The following MTHFD1L variants were observed in gnomAD, a reference collection of about 807,000 sequenced individuals.
MTHFD1L encodes monofunctional C1-tetrahydrofolate synthase, mitochondrial.
In MTHFD1L, 81 loss-of-function variants were observed where a neutral mutation model predicts 119.5. That is an observed-to-expected ratio of 0.68 (90% confidence interval 0.57 to 0.82). MTHFD1L has a LOEUF of 0.82. Ranked by LOEUF, MTHFD1L falls within the 40% of genes least tolerant of loss-of-function variation. The pLI is 0.00. For missense variants in MTHFD1L, 1,125 were observed against 1,253.4 expected (o/e 0.90, Z 1.55); for synonymous variants, 430 against 475.2 (o/e 0.90, Z 1.24).
intron 1 of MTHFD1L, among the ~76,000 whole-genome samples, chr6:150,873,176 G>A (rs1352311871): frequency 5.9e-5 from 9 of 152,040 alleles, no homozygotes; most frequent in Non-Finnish European, 7.4e-5. Context: ...TTAGTGGGAC[G>A]TGGTGGCATG....
intron 1 of MTHFD1L, chr6:150,866,305 T>C: frequency 6.8e-7 from 1 of 1,474,278 alleles, no homozygotes; most frequent in South Asian, 1.3e-5. Context: ...AATGGGCGCC[T>C]AGCGGCATGG....
chr6:150,889,105 A>G (rs1782791281), intron 7 of MTHFD1L, among the ~76,000 whole-genome samples: 1 of 151,980 alleles, frequency 6.6e-6, no homozygotes, highest in South Asian at 2.1e-4. Context: ...TGAACCCGGG[A>G]GGCAGGGGTT....
At chr6:150,938,254 G>A (rs1792463022) in intron 12 of MTHFD1L, among the ~76,000 whole-genome samples, 1 of 152,188 alleles carries the variant, frequency 6.6e-6, no homozygotes, top group African/African-American at 2.4e-5. Context: ...CTGACCTCAA[G>A]TGATCCGCCT....
chr6:150,891,871 C>T (rs1783343976), intron 7 of MTHFD1L, among the ~76,000 whole-genome samples: 1 of 152,144 alleles, frequency 6.6e-6, no homozygotes, highest in Non-Finnish European at 1.5e-5. Context: ...TCAGTAACTA[C>T]AGAATGTGAT....
At chr6:150,939,911 G>A (rs1049519286) in intron 13 of MTHFD1L, among the ~76,000 whole-genome samples, 2 of 151,798 alleles carry the variant, frequency 1.3e-5, no homozygotes, top group African/African-American at 2.4e-5. Context: ...TCTGGAACTC[G>A]TGAGCTCAGA....
intron 26 of MTHFD1L, among the ~76,000 whole-genome samples, chr6:151,066,075 A>G (rs112011558): frequency 6.6e-6 from 1 of 152,210 alleles, no homozygotes; most frequent in Admixed American, 6.5e-5. Context: ...TTCTTCATCA[A>G]AAGTGATCTC....
At chr6:151,088,179 CAGG>C (rs917450632) in intron 26 of MTHFD1L, 3 of 152,146 alleles carry the variant, frequency 2.0e-5, no homozygotes, top group Non-Finnish European at 4.4e-5. Context: ...GCTTGCTCAA[CAGG>C]AGAAGTTTTA....
At chr6:150,882,256 C>T (rs190908214) in intron 4 of MTHFD1L, among the ~76,000 whole-genome samples, 7 of 152,280 alleles carry the variant, frequency 4.6e-5, no homozygotes, top group Non-Finnish European at 7.3e-5. Flanking sequence ...CCAGATAACC[C>T]GAGGGCCTCT....
At chr6:150,948,959 G>A (rs892941142) in intron 15 of MTHFD1L, 72 bp from the exon 16 acceptor site, 4 of 1,223,666 alleles carry the variant, frequency 3.3e-6, no homozygotes, top group African/African-American at 3.0e-5. Context: ...TAAAATTAGA[G>A]GGATAATTTT....
chr6:150,884,961 A>T (rs149932794), intron 5 of MTHFD1L, among the ~76,000 whole-genome samples: 56 of 152,192 alleles, frequency 3.7e-4, no homozygotes, highest in African/African-American at 1.2e-3. Context: ...GGACTGCAGG[A>T]CCATGCTTCT....
intron 2 of MTHFD1L, 121 bp downstream of exon 2, chr6:150,876,295 T>C: frequency 1.3e-6 from 1 of 788,746 alleles, no homozygotes. Context: ...TTGGCAATGC[T>C]GTTTTCTTTG....
chr6:150,979,338 C>T lies in MTHFD1L; in HGVS notation c.2125+7280C>T, dbSNP rs114656580. ...TATTGTACCAATATATCGTAATGTGCGCCAACAGTGGTGGTCCTTTTTGGT... is the reference window on the plus strand; with the variant it reads ...TATTGTACCAATATATCGTAATGTGTGCCAACAGTGGTGGTCCTTTTTGGT... On this transcript the variant is annotated intron_variant, in intron 20 of 27. Transcript: ENST00000367321. 4.1e-3 allele frequency among the ~76,000 whole-genome samples: 625 copies of T among 152,236 alleles called. 4 individuals carry two copies. Among genetic ancestry groups the T allele is most frequent in the African/African-American group, 0.014 (588 of 41,532 alleles).
intron 13 of MTHFD1L, among the ~76,000 whole-genome samples, chr6:150,940,107 C>G (rs1328902040): frequency 1.3e-5 from 2 of 152,138 alleles, no homozygotes; most frequent in Non-Finnish European, 2.9e-5. Flanking sequence ...TTCTCTACCC[C>G]ACAGACTCCC....
At chr6:150,976,652 G>C (rs187035883) in intron 20 of MTHFD1L, among the ~76,000 whole-genome samples, 2 of 152,122 alleles carry the variant, frequency 1.3e-5, no homozygotes, top group African/African-American at 4.8e-5. Context: ...GAAAAATGTC[G>C]ATAATTTGGC....
intron 13 of MTHFD1L, 51 bp from the exon 14 acceptor site, chr6:150,944,435 G>C (rs1002700499): frequency 7.2e-7 from 1 of 1,386,622 alleles, no homozygotes; most frequent in East Asian, 2.5e-5. Flanking sequence ...GCAACAAAGC[G>C]AGACCCTATT....
intron 20 of MTHFD1L, among the ~76,000 whole-genome samples, chr6:150,975,077 G>T (rs925580076): frequency 6.6e-6 from 1 of 152,138 alleles, no homozygotes; most frequent in African/African-American, 2.4e-5. Context: ...ATATTCCATC[G>T]TATGGATAGA....
chr6:151,064,310 AATT>A (rs1008108125), intron 26 of MTHFD1L, among the ~76,000 whole-genome samples: 5 of 151,672 alleles, frequency 3.3e-5, no homozygotes, highest in South Asian at 2.1e-4. Context: ...TGAAGTGTTA[AATT>A]ATTATTATTA....
At chr6:150,991,570 A>G (rs1779072118) in intron 20 of MTHFD1L, among the ~76,000 whole-genome samples, 1 of 152,208 alleles carries the variant, frequency 6.6e-6, no homozygotes, top group African/African-American at 2.4e-5. Context: ...AGTTTTTTTT[A>G]TAAAAGGAAA....
At chr6:150,990,727 G>T (rs983686378) in intron 20 of MTHFD1L, among the ~76,000 whole-genome samples, 1 of 152,210 alleles carries the variant, frequency 6.6e-6, no homozygotes, top group Non-Finnish European at 1.5e-5. Context: ...CTTCCAACGT[G>T]CTGGGATTAC....
Sources: gnomAD v4.1 joint callset for allele counts (sites outside exome capture counted in the v4.1 genomes callset) on GRCh38, gnomAD v4.1.1 for gene constraint, MANE v1.5 for transcripts, NCBI Gene and HGNC (gene_info 2026-07-23, HGNC 2026-07-21) for gene names.